Variants in SV2B observed in about 807,000 individuals in gnomAD.
SV2B encodes the protein synaptic vesicle glycoprotein 2B.
A neutral mutation model predicts 73.9 loss-of-function variants in SV2B; 41 were observed. The observed-to-expected ratio is 0.56, with a 90% CI of 0.43 to 0.72. The LOEUF is 0.72. SV2B is among the 30% of genes least tolerant of loss of function. SV2B has a pLI of 0.00. For missense variants in SV2B, 764 were observed against 857.8 expected (o/e 0.89, Z 1.37); for synonymous variants, 314 against 314.2 (o/e 1.00, Z 0.01).
At position 91,226,114 on chromosome 15, in the gene SV2B, G is replaced by GA. The variant is rs927045984; in HGVS notation, c.-148dup. On this transcript the variant is annotated 5_prime_UTR_variant, in exon 2 of 13. Coordinates refer to ENST00000394232, the MANE Select transcript of SV2B (RefSeq NM_001323032.3). ...TTGATTTGAGAGATAAAGGGGGGGG[G>GA]AACCAGTGTGACTTTCACCTAAGAA... is the stretch of plus-strand genomic sequence containing the variant. 1.4e-5 allele frequency: 10 copies of GA among 722,678 alleles called. No individual in the cohort carries two copies. The highest frequency in any genetic ancestry group is 4.0e-5 in the South Asian group (2 of 50,220). The allele number at this position is 722,678 out of a possible 1,614,324, so 44.8% of individuals were successfully genotyped here.
intron 1 of SV2B, among the ~76,000 whole-genome samples, chr15:91,169,909 T>C (rs1264953374): frequency 6.6e-6 from 1 of 152,204 alleles, no homozygotes; most frequent in East Asian, 1.9e-4. Flanking sequence ...TTGTTTTCAC[T>C]GGGAAAATCA....
intron 6 of SV2B, among the ~76,000 whole-genome samples, chr15:91,263,916 C>A (rs2048014941): frequency 6.6e-6 from 1 of 152,256 alleles, no homozygotes; most frequent in Non-Finnish European, 1.5e-5. Context: ...CTTGCTTATG[C>A]ACAGTAGGTT....
rs1050057725 is a variant in SV2B at position 91,289,349 on chromosome 15, T to C, written c.1709-172T>C. ...GCTCTAATGCCATGTCTGGGGTGCCTTGTGAGGATTCCAGCTGTGCTCTCT... is the reference window on the plus strand; with the variant it reads ...GCTCTAATGCCATGTCTGGGGTGCCCTGTGAGGATTCCAGCTGTGCTCTCT... On this transcript the variant is annotated intron_variant, in intron 11 of 12. Coordinates refer to ENST00000394232, the MANE Select transcript of SV2B (RefSeq NM_001323032.3). This position sits in a 1 kb window ranked among gnomAD's most constrained non-coding sequence, Gnocchi z 4.9. 4.6e-5 allele frequency among the ~76,000 whole-genome samples: 7 copies of C among 152,200 alleles called. No homozygotes were observed. Among genetic ancestry groups the C allele is most frequent in the African/African-American group, 1.7e-4 (7 of 41,444 alleles).
At chr15:91,254,122 G>A (rs1364178692) in intron 4 of SV2B, among the ~76,000 whole-genome samples, 1 of 151,808 alleles carries the variant, frequency 6.6e-6, no homozygotes, top group Non-Finnish European at 1.5e-5. Context: ...TTGATTATAT[G>A]GTTTTGAGGC....
intron 1 of SV2B, among the ~76,000 whole-genome samples, chr15:91,201,910 C>T (rs1004257837): frequency 2.0e-5 from 3 of 152,174 alleles, no homozygotes; most frequent in Admixed American, 6.5e-5. Flanking sequence ...ACTCCCCAAC[C>T]CCATCAAATC....
Position 91,122,054 on chromosome 15 carries a change from G to T in SV2B, c.-392+21691G>T, listed in dbSNP as rs1318555170. ...CTCCCAAAGTGCTGGGATTACAGGCGTGAGCCACTGCGCCCGGCCCAATGG... is the reference window on the plus strand; with the variant it reads ...CTCCCAAAGTGCTGGGATTACAGGCTTGAGCCACTGCGCCCGGCCCAATGG... On this transcript the variant is annotated intron_variant, in intron 1 of 12. Transcript: ENST00000394232. The surrounding 1 kb of genome is among the most constrained non-coding windows in gnomAD (Gnocchi z 4.3). Among the ~76,000 whole-genome samples, 1 of 152,146 alleles carries T rather than the reference G, an allele frequency of 6.6e-6. No individual in the cohort carries two copies. The highest frequency in any genetic ancestry group is 2.4e-5 in the African/African-American group (1 of 41,438).
intron 1 of SV2B, among the ~76,000 whole-genome samples, chr15:91,147,483 G>C (rs1293381922): frequency 4.6e-5 from 7 of 152,194 alleles, no homozygotes; most frequent in African/African-American, 1.7e-4. Context: ...TGCTTTCAGA[G>C]ACCTCTATCC....
At position 91,249,068 on chromosome 15, in the gene SV2B, T is replaced by TCACATACACACA. The variant is rs1290015975; in HGVS notation, c.452-2747_452-2746insTACACACACACA. On this transcript the variant is annotated intron_variant, in intron 2 of 12. Transcript: ENST00000394232. ...TGCATGCATCCATACATCTACGTTT[T>TCACATACACACA]CACACACACACACACACACACACAC... is the stretch of plus-strand genomic sequence containing the variant. Among the ~76,000 whole-genome samples the TCACATACACACA allele has an allele frequency of 1.4e-3, 199 of 142,116 alleles. 1 individual carries two copies. The highest frequency in any genetic ancestry group is 5.3e-3 in the African/African-American group (196 of 37,122). The allele number at this position is 142,116 out of a possible 152,430, so 93.2% of individuals were successfully genotyped here.
Position 91,212,681 on chromosome 15 carries a change from C to T in SV2B, c.-391-13192C>T, listed in dbSNP as rs116902473. ...GAGAATAAAGGAAGCTGGCTGGCCA[C>T]GGTGGCTCACTCCTGTAGTCCCAGC... On this transcript the variant is annotated intron_variant, in intron 1 of 12. Coordinates refer to ENST00000394232, the MANE Select transcript of SV2B (RefSeq NM_001323032.3). Among the ~76,000 whole-genome samples, 1,513 of 152,098 alleles carry T rather than the reference C, an allele frequency of 9.9e-3. 10 individuals are homozygous for T. The highest frequency in any genetic ancestry group is 0.02 in the Middle Eastern group (6 of 294).
Position 91,143,388 on chromosome 15 carries a change from C to G in SV2B, c.-392+43025C>G, listed in dbSNP as rs77144609. On this transcript the variant is annotated intron_variant, in intron 1 of 12. Coordinates refer to ENST00000394232, the MANE Select transcript of SV2B (RefSeq NM_001323032.3). The stretch of plus-strand genomic sequence containing the variant: ...CCATTGAAACAGGTTGCCATTAACC[C>G]TTTTCCCATTTGCCCCGAGAATACC... Among the ~76,000 whole-genome samples, 995 of 152,266 alleles carry G rather than the reference C, an allele frequency of 6.5e-3. 15 individuals carry two copies. Among genetic ancestry groups the G allele is most frequent in the African/African-American group, 0.023 (943 of 41,560 alleles).
At chr15:91,189,848 T>G (rs1282327563) in intron 1 of SV2B, among the ~76,000 whole-genome samples, 4 of 152,038 alleles carry the variant, frequency 2.6e-5, no homozygotes, top group Non-Finnish European at 4.4e-5. Context: ...ATTAGTTGGG[T>G]GTAATGGCGG....
intron 1 of SV2B, among the ~76,000 whole-genome samples, chr15:91,194,995 A>G (rs1161668105): frequency 7.3e-6 from 1 of 137,680 alleles, no homozygotes; most frequent in Non-Finnish European, 1.5e-5. Flanking sequence ...GAAGGCATGG[A>G]GCAGGGCCTG....
intron 1 of SV2B, among the ~76,000 whole-genome samples, chr15:91,162,317 A>G (rs1473119484): frequency 6.6e-6 from 1 of 152,248 alleles, no homozygotes; most frequent in East Asian, 1.9e-4. Flanking sequence ...GTTGTTTGAC[A>G]ATAACAAGAA....
At position 91,257,840 on chromosome 15, in the gene SV2B, T is replaced by A. The variant is rs750817349; in HGVS notation, c.785-581T>A. ...CTCTGGGTGCTCAGGACCCAGGAAT[T>A]CCCATAGACTCAAGAAATCAAGACA... On this transcript the variant is annotated intron_variant, in intron 4 of 12. Transcript: ENST00000394232. Among the ~76,000 whole-genome samples the A allele has an allele frequency of 2.0e-5, 3 of 152,256 alleles. No homozygotes were observed. The South Asian group carries it at 6.2e-4, about 32-fold the overall frequency.
At chr15:91,142,709 C>A (rs2043032141) in intron 1 of SV2B, among the ~76,000 whole-genome samples, 2 of 152,138 alleles carry the variant, frequency 1.3e-5, no homozygotes, top group African/African-American at 4.8e-5. Flanking sequence ...ATGCCCAAGG[C>A]CACTCAGACA....
chr15:91,158,633 C>CCTTTTCCCTTCCCTT (rs767357230), intron 1 of SV2B, among the ~76,000 whole-genome samples: 1 of 54,408 alleles, frequency 1.8e-5, no homozygotes, highest in African/African-American at 6.9e-5. Flanking sequence ...TTTTATTTTC[C>CCTTTTCCCTTCCCTT]CTCTTCTCTT....
At chr15:91,194,717 C>T (rs796567187) in intron 1 of SV2B, among the ~76,000 whole-genome samples, 11 of 152,198 alleles carry the variant, frequency 7.2e-5, no homozygotes, top group South Asian at 2.1e-4. Context: ...CTGACTTCAA[C>T]GGAGGTTGCA....
At chr15:91,212,654 T>G (rs1414024065) in intron 1 of SV2B, among the ~76,000 whole-genome samples, 9 of 151,886 alleles carry the variant, frequency 5.9e-5, no homozygotes, top group African/African-American at 2.2e-4. Context: ...GATGTTCTGG[T>G]AGAGAATAAA....
chr15:91,264,936 G>C (rs1317059704), intron 6 of SV2B, among the ~76,000 whole-genome samples: 1 of 152,098 alleles, frequency 6.6e-6, no homozygotes, highest in South Asian at 2.1e-4. Flanking sequence ...GACTTAAAAA[G>C]GTTATGGGCT....
Sources: allele counts gnomAD v4.1 joint callset (sites outside exome capture counted in the v4.1 genomes callset), GRCh38; gene constraint gnomAD v4.1.1; non-coding constraint Gnocchi (gnomAD v3.1); transcripts MANE v1.5; gene names NCBI Gene and HGNC (gene_info 2026-07-23, HGNC 2026-07-21).